The following SLC39A10 variants were observed in gnomAD, a reference collection of about 807,000 sequenced individuals.
SLC39A10 encodes the protein zinc transporter ZIP10.
SLC39A10 carries 13 observed loss-of-function variants against 65.1 expected under a neutral mutation model. The ratio of observed to expected loss-of-function variants is 0.20; its 90% CI spans 0.13 to 0.32. The LOEUF (loss-of-function observed/expected upper bound fraction) is 0.32. Among genes scored for constraint, SLC39A10 ranks in the 10% least tolerant of loss-of-function variants. The pLI, the probability that SLC39A10 is intolerant of heterozygous loss-of-function variation, is 1.00. For missense variants in SLC39A10, 831 were observed against 1,018.4 expected (o/e 0.82, Z 2.50); for synonymous variants, 321 against 342.2 (o/e 0.94, Z 0.68).
Position 195,728,425 on chromosome 2 carries a change from C to G in SLC39A10, c.2337+76C>G. 3.7e-6 allele frequency: 5 copies of G among 1,357,300 alleles called. No homozygotes were observed. The highest frequency in any genetic ancestry group is 5.1e-6 in the Non-Finnish European group (5 of 989,232). The allele number at this position is 1,357,300 out of a possible 1,614,324, so 84.1% of individuals were successfully genotyped here. A position where few individuals can be genotyped will look rare whatever the true frequency, so the allele number is the denominator to read the frequency against. Reference sequence around the variant, plus strand: ...TCCTTGGAAGTGGTTTGAAGCCAAACTATTTTTGAAAATATAACTCATTTT... The same window carrying G: ...TCCTTGGAAGTGGTTTGAAGCCAAAGTATTTTTGAAAATATAACTCATTTT... On this transcript the variant is annotated intron_variant, in intron 9 of 9. Transcript: ENST00000359634. This position sits in a 1 kb window ranked among gnomAD's most constrained non-coding sequence, Gnocchi z 4.4.
chr2:195,701,932 C>T (rs534141055), intron 3 of SLC39A10, among the ~76,000 whole-genome samples: 1 of 152,284 alleles, frequency 6.6e-6, no homozygotes, highest in East Asian at 1.9e-4. Context: ...TCTCCCATCA[C>T]AGCCTCCCAG....
At chr2:195,698,720 T>TC (rs543773939) in intron 3 of SLC39A10, among the ~76,000 whole-genome samples, 2 of 151,986 alleles carry the variant, frequency 1.3e-5, no homozygotes, top group Non-Finnish European at 2.9e-5. Flanking sequence ...GTTTTTTTTT[T>TC]CTTTGACAAT....
intron 3 of SLC39A10, among the ~76,000 whole-genome samples, chr2:195,686,026 CTA>C (rs1429733440): frequency 6.6e-5 from 10 of 152,094 alleles, no homozygotes; most frequent in African/African-American, 2.2e-4. Context: ...TAATGAAAAA[CTA>C]TGACGGAATT....
At chr2:195,709,683 G>A (rs1332970052) in intron 5 of SLC39A10, among the ~76,000 whole-genome samples, 1 of 152,126 alleles carries the variant, frequency 6.6e-6, no homozygotes, top group African/African-American at 2.4e-5. Context: ...ACATGACTTT[G>A]ATCTTTGCCA....
intron 2 of SLC39A10, among the ~76,000 whole-genome samples, chr2:195,650,282 C>CAA (rs35680880): frequency 2.6e-4 from 31 of 118,258 alleles, no homozygotes; most frequent in South Asian, 8.1e-4. Context: ...ACTCCTCCTC[C>CAA]AAAAAAAAAA....
At chr2:195,727,629 A>G (rs1254257837) in intron 8 of SLC39A10, among the ~76,000 whole-genome samples, 1 of 152,184 alleles carries the variant, frequency 6.6e-6, no homozygotes, top group Non-Finnish European at 1.5e-5. Context: ...AAAGGGTAGA[A>G]GTTCGAGCAG....
chr2:195,669,834 A>C (rs1044973835), intron 1 of SLC39A10, among the ~76,000 whole-genome samples: 1 of 152,124 alleles, frequency 6.6e-6, no homozygotes, highest in Non-Finnish European at 1.5e-5. Flanking sequence ...GCTCATCTCT[A>C]TATGAAAAAT....
At chr2:195,656,420 C>T (rs1038349063), upstream of SLC39A10, among the ~76,000 whole-genome samples, 1 of 152,142 alleles carries the variant, frequency 6.6e-6, no homozygotes, top group East Asian at 1.9e-4. Context: ...TTGGCTGGAT[C>T]GGGATTTTTT....
chr2:195,669,896 C>G (rs1407278462), intron 1 of SLC39A10, among the ~76,000 whole-genome samples: 1 of 152,164 alleles, frequency 6.6e-6, no homozygotes, highest in Non-Finnish European at 1.5e-5. Context: ...CGCTGTGACT[C>G]ACACCTGTAA....
intron 2 of SLC39A10, among the ~76,000 whole-genome samples, chr2:195,682,768 A>C (rs1456129785): frequency 1.3e-5 from 2 of 152,128 alleles, no homozygotes; most frequent in Non-Finnish European, 2.9e-5. Context: ...GAAATGTTCA[A>C]TACTTTTAAT....
At chr2:195,645,152 G>A (rs969948109) in intron 2 of SLC39A10, among the ~76,000 whole-genome samples, 4 of 151,698 alleles carry the variant, frequency 2.6e-5, no homozygotes, top group Non-Finnish European at 4.4e-5. Flanking sequence ...CAGGTGATCC[G>A]CCTGCCTCGG....
intron 3 of SLC39A10, among the ~76,000 whole-genome samples, chr2:195,687,184 T>C (rs919128265): frequency 1.1e-4 from 16 of 152,144 alleles, no homozygotes; most frequent in Non-Finnish European, 2.1e-4. Context: ...GCCTGTAAAT[T>C]CTCACTGTGG....
At chr2:195,629,357 G>GCAC (rs1480128957) in intron 2 of SLC39A10, among the ~76,000 whole-genome samples, 1 of 144,726 alleles carries the variant, frequency 6.9e-6, no homozygotes, top group East Asian at 2.0e-4. Flanking sequence ...TCACACCACT[G>GCAC]CACTCCAGCC....
intron 2 of SLC39A10, among the ~76,000 whole-genome samples, chr2:195,648,648 C>G (rs1159747092): frequency 6.6e-6 from 1 of 152,112 alleles, no homozygotes; most frequent in Non-Finnish European, 1.5e-5. Context: ...ACACTGTATA[C>G]TCCAGCCTGG....
intron 1 of SLC39A10, chr2:195,674,679 G>T: frequency 3.1e-6 from 3 of 976,014 alleles, no homozygotes; most frequent in Non-Finnish European, 2.4e-6. Flanking sequence ...GCTTAATGCT[G>T]AGTATGTTCT....
At chr2:195,707,526 C>T (rs1454553019) in intron 4 of SLC39A10, among the ~76,000 whole-genome samples, 2 of 151,412 alleles carry the variant, frequency 1.3e-5, no homozygotes, top group African/African-American at 2.4e-5. Context: ...TTGTGTATAT[C>T]TCCTCTCTTC....
Position 195,680,706 on chromosome 2 carries a change from G to A in SLC39A10, c.664G>A (p.Glu222Lys), listed in dbSNP as rs1311444568. ...EPSTETNKTQ[E>K]QSDVKLPKGK... The stretch of plus-strand genomic sequence containing the variant: ...TTCAACAGAGACCAATAAAACCCAG[G>A]AACAATCTGATGTTAAACTACCGAA... The change falls in exon 2 of 10, where the codon GAA becomes AAA. Residue 222 changes from glutamate to lysine, a missense_variant. Physicochemically the swap from Glu to Lys is moderately conservative, Grantham distance 56. Coordinates refer to ENST00000359634, the MANE Select transcript of SLC39A10 (RefSeq NM_020342.3). The A allele has an allele frequency of 1.2e-6, 2 of 1,613,956 alleles. No homozygotes were observed. The highest frequency in any genetic ancestry group is 1.7e-6 in the Non-Finnish European group (2 of 1,179,998).
At chr2:195,721,424 A>G (rs1434009367) in intron 8 of SLC39A10, among the ~76,000 whole-genome samples, 1 of 151,618 alleles carries the variant, frequency 6.6e-6, no homozygotes, top group Non-Finnish European at 1.5e-5. Flanking sequence ...AAATACTTCT[A>G]TTCCTAGTTT....
At position 195,713,551 on chromosome 2, in the gene SLC39A10, C is replaced by T; in HGVS notation, c.1694C>T (p.Ala565Val). The T allele has an allele frequency of 6.5e-7, 1 of 1,549,794 alleles. No homozygotes were observed. Among genetic ancestry groups the T allele is most frequent in the Admixed American group, 2.4e-5 (1 of 41,336 alleles). ...DSDWLQLKPL[A>V]GTDDSVVSED... Reference sequence around the variant, plus strand: ...GACTGGCTTCAACTCAAGCCTCTTGCCGGTAGACAGCAATTCTGACTCAAG... The same window carrying T: ...GACTGGCTTCAACTCAAGCCTCTTGTCGGTAGACAGCAATTCTGACTCAAG... Residue 565 changes from alanine (A) to valine (V), a missense_variant and splice_region_variant, in exon 6 of 10, where the codon GCC becomes GTC. This residue lies in a region of SLC39A10 where 230 missense variants were observed against 242.9 expected (regional missense o/e 0.95). Transcript: ENST00000359634.
Sources: allele counts gnomAD v4.1 joint callset (sites outside exome capture counted in the v4.1 genomes callset), GRCh38; gene constraint gnomAD v4.1.1; regional missense constraint gnomAD v4.1.1; non-coding constraint Gnocchi (gnomAD v3.1); transcripts MANE v1.5; gene names NCBI Gene and HGNC (gene_info 2026-07-23, HGNC 2026-07-21).